CCDC148: variants seen among roughly 807,000 people sequenced by gnomAD.
CCDC148 encodes the protein coiled-coil domain-containing protein 148.
CCDC148 carries 89 observed loss-of-function variants against 85.7 expected under a neutral mutation model. The ratio of observed to expected loss-of-function variants is 1.04; its 90% confidence interval spans 0.87 to 1.24. The LOEUF (loss-of-function observed/expected upper bound fraction) is 1.24, where lower values mean the gene tolerates loss of function less well. Among genes scored for constraint, CCDC148 ranks in the 50% most tolerant of loss-of-function variants. The pLI, the probability that CCDC148 is intolerant of heterozygous loss-of-function variation, is 0.00. For synonymous variants in CCDC148, 230 were observed against 213.9 expected (o/e 1.08, Z -0.66); for missense variants, 692 against 671.7 (o/e 1.03, Z -0.33).
At chr2:158,398,200 C>G (rs1685616052) in intron 1 of CCDC148, among the ~76,000 whole-genome samples, 1 of 152,098 alleles carries the variant, frequency 6.6e-6, no homozygotes, top group Non-Finnish European at 1.5e-5. Flanking sequence ...ACCCCACTCT[C>G]AATATTAGAC....
At chr2:158,362,013 A>AC (rs34508936) in intron 1 of CCDC148, among the ~76,000 whole-genome samples, 92 of 149,302 alleles carry the variant, frequency 6.2e-4, no homozygotes, top group Non-Finnish European at 9.6e-4. Flanking sequence ...AAAAAAAAAA[A>AC]CAGCAGGGAT....
At chr2:158,280,931 C>A (rs1322246579) in intron 9 of CCDC148, among the ~76,000 whole-genome samples, 1 of 152,180 alleles carries the variant, frequency 6.6e-6, no homozygotes, top group Non-Finnish European at 1.5e-5. Context: ...AACTATCTCT[C>A]AGACCACAGT....
At chr2:158,432,404 T>C (rs1687397556) in intron 1 of CCDC148, among the ~76,000 whole-genome samples, 1 of 152,036 alleles carries the variant, frequency 6.6e-6, no homozygotes. Context: ...AACAAAAGTA[T>C]GGGTAAAAAA....
In CCDC148 at chr2:158,188,047, G is replaced by A. The variant is rs16842722; in HGVS notation, c.1371-9051C>T. Among the ~76,000 whole-genome samples, 398 of 152,002 alleles carry A rather than the reference G, an allele frequency of 2.6e-3. 2 individuals are homozygous for A. The highest frequency in any genetic ancestry group is 0.01 in the Middle Eastern group (3 of 292). ...GACATATCTAAATAGAAAGCCAGAC[G>A]GCCTCCTTACATGCTGTTAGAGATG... is the stretch of plus-strand genomic sequence containing the variant. On this transcript the variant is annotated intron_variant, in intron 11 of 13. Transcript: ENST00000283233.
At chr2:158,443,172 A>C (rs543002010) in intron 1 of CCDC148, among the ~76,000 whole-genome samples, 99 of 152,186 alleles carry the variant, frequency 6.5e-4, no homozygotes, top group African/African-American at 9.6e-4. Flanking sequence ...TGAACAAAAA[A>C]AAACAAACAA....
chr2:158,308,122 T>C (rs1489654669), intron 9 of CCDC148, among the ~76,000 whole-genome samples: 2 of 152,238 alleles, frequency 1.3e-5, no homozygotes, highest in African/African-American at 2.4e-5. Flanking sequence ...CATCCTGTTA[T>C]AGTAACTTTT....
At chr2:158,433,771 T>A (rs189217414) in intron 1 of CCDC148, among the ~76,000 whole-genome samples, 1 of 152,280 alleles carries the variant, frequency 6.6e-6, no homozygotes, top group African/African-American at 2.4e-5. Flanking sequence ...GACACTCACA[T>A]CCTAATACTG....
rs11433320 is a variant in CCDC148 at position 158,444,785 on chromosome 2, GAAAAAAAAAA to G, written c.25+11620_25+11629del. ...GGGTGACAGAGCGAGACCCTGTCTT[GAAAAAAAAAA>G]AAAAAAAAAAAAAAAGATTTACAAG... On this transcript the variant is annotated intron_variant, in intron 1 of 13. Transcript: ENST00000283233. Among the ~76,000 whole-genome samples, 770 of 66,728 alleles carry G rather than the reference GAAAAAAAAAA, an allele frequency of 0.012. 22 individuals are homozygous for G. In the East Asian group the frequency reaches 0.14, roughly 12 times the overall value. 43.8% of individuals were successfully genotyped at this position (66,728 alleles called of 152,430 possible).
chr2:158,338,723 C>A lies in CCDC148; in HGVS notation c.764+3G>T, dbSNP rs1297722276. ...TACACAGGACTCAGTTTTATCTTAT[C>A]ACCTGTATATGTCTTCCAACTGCAG... On this transcript the variant is annotated splice_donor_region_variant and intron_variant, in intron 7 of 13. Transcript: ENST00000283233. 1.9e-6 allele frequency: 3 copies of A among 1,592,804 alleles called. No homozygotes were observed. Among genetic ancestry groups the A allele is most frequent in the South Asian group, 1.1e-5 (1 of 87,046 alleles).
At chr2:158,248,220 G>A (rs1688646398) in intron 10 of CCDC148, among the ~76,000 whole-genome samples, 1 of 152,040 alleles carries the variant, frequency 6.6e-6, no homozygotes, top group Admixed American at 6.6e-5. Flanking sequence ...TAAAATTCCT[G>A]ATCATGATTG....
At chr2:158,194,467 A>G (rs1263908808) in intron 11 of CCDC148, among the ~76,000 whole-genome samples, 1 of 152,162 alleles carries the variant, frequency 6.6e-6, no homozygotes, top group African/African-American at 2.4e-5. Context: ...TGGATTAATT[A>G]TACTGTTGTA....
At chr2:158,430,287 A>C (rs1423314744) in intron 1 of CCDC148, among the ~76,000 whole-genome samples, 3 of 152,142 alleles carry the variant, frequency 2.0e-5, no homozygotes, top group Non-Finnish European at 4.4e-5. Flanking sequence ...CACACATTCT[A>C]CCAAAGCTTA....
At chr2:158,251,602 T>G (rs1012525530) in intron 9 of CCDC148, among the ~76,000 whole-genome samples, 4 of 151,860 alleles carry the variant, frequency 2.6e-5, no homozygotes, top group Non-Finnish European at 5.9e-5. Context: ...ACTACAGTGC[T>G]GTTTAAAACA....
intron 1 of CCDC148, among the ~76,000 whole-genome samples, chr2:158,363,878 C>G (rs1684078691): frequency 6.6e-6 from 1 of 152,184 alleles, no homozygotes. Context: ...TAAATTGTCT[C>G]TGTTTGCAGA....
chr2:158,330,307 C>T (rs1056867956), intron 7 of CCDC148, among the ~76,000 whole-genome samples: 19 of 152,200 alleles, frequency 1.2e-4, no homozygotes, highest in Middle Eastern at 3.4e-3. Context: ...TGCTGGATTA[C>T]GTTTATTGAT....
intron 5 of CCDC148, among the ~76,000 whole-genome samples, chr2:158,339,419 TCC>T (rs1469578387): frequency 1.3e-5 from 2 of 152,042 alleles, no homozygotes; most frequent in African/African-American, 4.8e-5. Context: ...TTGCCTCTAA[TCC>T]CCACCTGGGC....
chr2:158,415,439 G>A (rs1006206986), intron 1 of CCDC148, among the ~76,000 whole-genome samples: 3 of 152,112 alleles, frequency 2.0e-5, no homozygotes, highest in African/African-American at 7.2e-5. Context: ...TTTGGGCAGG[G>A]ACACAAATCC....
intron 1 of CCDC148, among the ~76,000 whole-genome samples, chr2:158,448,193 T>A (rs1688239969): frequency 6.6e-6 from 1 of 152,198 alleles, no homozygotes; most frequent in Admixed American, 6.5e-5. Flanking sequence ...GTAAATATAT[T>A]AATTTCTGTA....
At chr2:158,202,501 G>A (rs1686018849) in intron 11 of CCDC148, among the ~76,000 whole-genome samples, 1 of 152,290 alleles carries the variant, frequency 6.6e-6, no homozygotes, top group East Asian at 1.9e-4. Flanking sequence ...CAATACTGAT[G>A]TTCCCCGCTT....
Sources: allele counts gnomAD v4.1 joint callset (sites outside exome capture counted in the v4.1 genomes callset), GRCh38; gene constraint gnomAD v4.1.1; transcripts MANE v1.5; gene names NCBI Gene and HGNC (gene_info 2026-07-23, HGNC 2026-07-21).